AP3B1: variants seen among roughly 807,000 people sequenced by gnomAD.
AP3B1 encodes adaptor related protein complex 3 subunit beta 1, also known as AP-3 complex subunit beta-1.
AP3B1 carries 61 observed loss-of-function variants against 132.5 expected under a neutral mutation model. The ratio of observed to expected loss-of-function variants is 0.46; its 90% CI spans 0.37 to 0.57. The LOEUF (loss-of-function observed/expected upper bound fraction) is 0.57. Ranked by LOEUF, AP3B1 falls within the 20% of genes least tolerant of loss-of-function variation. The pLI is 0.00. For synonymous variants in AP3B1, 388 were observed against 438.3 expected, an observed-to-expected ratio of 0.89 and a Z score of 1.43; for missense variants, 1,120 against 1,289.4, an observed-to-expected ratio of 0.87 and a Z score of 2.01.
chr5:78,225,957 C>A (rs1219111300), intron 5 of AP3B1, among the ~76,000 whole-genome samples: 1 of 151,948 alleles, frequency 6.6e-6, no homozygotes, highest in Non-Finnish European at 1.5e-5. Context: ...AACTAGATAG[C>A]AGTCATTATT....
chr5:78,129,250 T>A lies in AP3B1; in HGVS notation c.1708A>T (p.Ile570Phe). Reference protein sequence around the residue: ...NLGKYDQNYDIRDRTRFIRQL... With the variant: ...NLGKYDQNYDFRDRTRFIRQL... ...CTAATAAATCTTGTACGGTCTCTGA[T>A]GTCGTAGTTTTGATCATACTTGCCG... is the stretch of plus-strand genomic sequence containing the variant. Residue 570 changes from isoleucine (I) to phenylalanine (F), a missense_variant, in exon 16 of 27, where the codon ATC (isoleucine) becomes TTC (phenylalanine). By Grantham distance (21) the Ile-to-Phe change is conservative (BLOSUM62 0). Around this residue, in one of 3 missense-constraint regions of AP3B1, gnomAD observed 906 missense variants for 997.1 expected, o/e 0.91. Coordinates refer to ENST00000255194, the MANE Select transcript of AP3B1 (RefSeq NM_003664.5). The A allele has an allele frequency of 6.2e-7, 1 of 1,613,492 alleles. No individual in the cohort carries two copies.
Position 78,141,124 on chromosome 5 carries a change from A to AC in AP3B1, c.1650+18dup, listed in dbSNP as rs766343354. On this transcript the variant is annotated intron_variant, in intron 15 of 26. Coordinates refer to ENST00000255194, the MANE Select transcript of AP3B1 (RefSeq NM_003664.5). ...AGGAAAGTACGTATTAGATAGGTTG[A>AC]CTAACATTTGCCTCTCACCTGTTTG... The AC allele has an allele frequency of 5.6e-5, 90 of 1,610,386 alleles. No individual in the cohort carries two copies. The highest frequency in any genetic ancestry group is 6.7e-5 in the Non-Finnish European group (79 of 1,176,928).
In AP3B1 at chr5:78,002,521, G is replaced by A. The variant is rs1048945561; in HGVS notation, c.*381C>T. 6 of 480,872 alleles carry A rather than the reference G, an allele frequency of 1.2e-5. No homozygotes were observed. The highest frequency in any genetic ancestry group is 5.2e-4 in the Middle Eastern group (1 of 1,920). The allele number at this position is 480,872 out of a possible 1,614,324, so 29.8% of individuals were successfully genotyped here. A position where few individuals can be genotyped will look rare whatever the true frequency, so the allele number is the denominator to read the frequency against. ...GAGAGGCCATTTAGACTATCTCTTT[G>A]CTAATTTTTGCTTACTGCTGTAGGG... On this transcript the variant is annotated 3_prime_UTR_variant, in exon 27 of 27. Coordinates refer to ENST00000255194, the MANE Select transcript of AP3B1 (RefSeq NM_003664.5).
At chr5:78,015,296 A>G (rs544070241) in intron 26 of AP3B1, 114 bp downstream of exon 26, 87 of 886,830 alleles carry the variant, frequency 9.8e-5, no homozygotes, top group Middle Eastern at 7.5e-4. Context: ...GAGTGTGTGT[A>G]TATATATATA....
At chr5:78,191,529 A>C (rs1485535910) in intron 7 of AP3B1, among the ~76,000 whole-genome samples, 1 of 152,150 alleles carries the variant, frequency 6.6e-6, no homozygotes, top group East Asian at 1.9e-4. Context: ...TTTAAAATAT[A>C]AAATCTATGT....
intron 22 of AP3B1, among the ~76,000 whole-genome samples, chr5:78,039,863 A>AT (rs55844096): frequency 0.015 from 2,078 of 135,196 alleles, 28 homozygotes; most frequent in African/African-American, 0.036. Context: ...AAACATACTC[A>AT]TTTTTTTTTT....
chr5:78,020,095 T>G (rs1747029164), intron 25 of AP3B1, among the ~76,000 whole-genome samples: 1 of 152,162 alleles, frequency 6.6e-6, no homozygotes, highest in Non-Finnish European at 1.5e-5. Flanking sequence ...CTACAGATAT[T>G]AATACTTGCA....
At chr5:78,224,803 TAAACATACATGCACC>T (rs1746336441) in intron 6 of AP3B1, among the ~76,000 whole-genome samples, 1 of 151,996 alleles carries the variant, frequency 6.6e-6, no homozygotes, top group African/African-American at 2.4e-5. Flanking sequence ...AAAAAAATTA[TAAACATACATGCACC>T]AAACATCCAA....
At chr5:78,217,053 C>G (rs1009089687) in intron 6 of AP3B1, among the ~76,000 whole-genome samples, 3 of 152,012 alleles carry the variant, frequency 2.0e-5, no homozygotes, top group African/African-American at 7.2e-5. Context: ...GCAGTTAGCC[C>G]ACAATATAAT....
Position 78,015,516 on chromosome 5 carries a change from C to T in AP3B1, c.3025G>A (p.Val1009Ile), listed in dbSNP as rs1374675146. The change falls in exon 26 of 27, where the codon GTA (valine) becomes ATA (isoleucine). Residue 1009 changes from valine (V) to isoleucine (I), a missense_variant. Val to Ile is a conservative substitution (Grantham distance 29). Coordinates refer to ENST00000255194, the MANE Select transcript of AP3B1 (RefSeq NM_003664.5). ...VLTGMNETSA[V>I]IIAAPQNFTP... ...AAATTCTGTGGTGCAGCAATGATTA[C>T]AGCAGAAGTTTCATTCATTCCTGTT... 1.9e-6 allele frequency: 3 copies of T among 1,594,356 alleles called. No individual in the cohort carries two copies. Among genetic ancestry groups the T allele is most frequent in the Non-Finnish European group, 2.5e-6 (3 of 1,178,982 alleles).
chr5:78,181,609 C>A lies in AP3B1; in HGVS notation c.840G>T (p.Gln280His). ...GKNFYESDDD[Q>H]KEKTDKKKKP... ...TCTTCTTTTTGTCAGTCTTTTCCTT[C>A]TGATCATCATCAGATTCGTAGAAAT... Residue 280 changes from glutamine to histidine, a missense_variant, in exon 8 of 27, where the codon CAG (glutamine) becomes CAT (histidine). Physicochemically the swap from Gln to His is conservative, Grantham distance 24. Transcript: ENST00000255194. The A allele has an allele frequency of 6.2e-7, 1 of 1,612,420 alleles. No individual in the cohort carries two copies. The highest frequency in any genetic ancestry group is 8.5e-7 in the Non-Finnish European group (1 of 1,179,366).
intron 2 of AP3B1, among the ~76,000 whole-genome samples, chr5:78,245,825 G>A (rs1054764410): frequency 6.6e-6 from 1 of 152,200 alleles, no homozygotes; most frequent in African/African-American, 2.4e-5. Context: ...TAGGTGGAAA[G>A]CATAGGAGAA....
rs550858770 is a variant in AP3B1, at chr5:78,181,446, TA to T, written c.942+60del. On this transcript the variant is annotated intron_variant, in intron 8 of 26. Transcript: ENST00000255194. ...CACAGACTCACTTACTAAATTGAGA[TA>T]TTTTTAATTGCTGTTTTTTAAAAAC... The T allele has an allele frequency of 1.6e-4, 240 of 1,501,042 alleles. No individual in the cohort carries two copies. The South Asian group carries it at 2.6e-3, about 16-fold the overall frequency. 93.0% of individuals were successfully genotyped at this position (1,501,042 alleles called of 1,614,324 possible).
intron 24 of AP3B1, among the ~76,000 whole-genome samples, chr5:78,030,092 G>C (rs1747509609): frequency 1.3e-5 from 2 of 151,796 alleles, no homozygotes; most frequent in Admixed American, 1.3e-4. Context: ...AGAATGCTTT[G>C]CTCACTACTG....
intron 2 of AP3B1, among the ~76,000 whole-genome samples, chr5:78,258,761 G>C (rs1486152521): frequency 6.6e-6 from 1 of 152,184 alleles, no homozygotes; most frequent in Non-Finnish European, 1.5e-5. Flanking sequence ...CTGCAGCACT[G>C]TTGCCAAAAG....
At chr5:78,092,594 G>A (rs1427588901) in intron 21 of AP3B1, among the ~76,000 whole-genome samples, 2 of 152,140 alleles carry the variant, frequency 1.3e-5, no homozygotes, top group Non-Finnish European at 2.9e-5. Flanking sequence ...GAAGGTACAA[G>A]GAATATAGCA....
chr5:78,114,717 A>T (rs772141965), intron 18 of AP3B1, among the ~76,000 whole-genome samples: 1 of 152,224 alleles, frequency 6.6e-6, no homozygotes, highest in Non-Finnish European at 1.5e-5. Flanking sequence ...CCTCTTAGGC[A>T]GGAACATAAC....
intron 15 of AP3B1, among the ~76,000 whole-genome samples, chr5:78,138,892 C>T (rs1753022708): frequency 6.7e-6 from 1 of 149,046 alleles, no homozygotes; most frequent in Non-Finnish European, 1.5e-5. Flanking sequence ...ATTGCTTGAA[C>T]CTGGGAGGTA....
intron 11 of AP3B1, among the ~76,000 whole-genome samples, chr5:78,168,621 G>A (rs1561453515): frequency 6.6e-6 from 1 of 152,124 alleles, no homozygotes; most frequent in Non-Finnish European, 1.5e-5. Context: ...TGAGACGATA[G>A]ATGCCAATCT....
Sources: gnomAD v4.1 joint callset for allele counts (sites outside exome capture counted in the v4.1 genomes callset) on GRCh38, gnomAD v4.1.1 for gene constraint, gnomAD v4.1.1 regional missense constraint, MANE v1.5 for transcripts, NCBI Gene and HGNC (gene_info 2026-07-23, HGNC 2026-07-21) for gene names.